Variants in DMRT1 observed in about 807,000 individuals in gnomAD.
The protein encoded by DMRT1 is doublesex- and mab-3-related transcription factor 1.
A neutral mutation model predicts 32.3 loss-of-function variants in DMRT1; 7 were observed. The observed-to-expected ratio is 0.22, with a 90% CI of 0.12 to 0.41. The LOEUF (loss-of-function observed/expected upper bound fraction) is 0.41. Among genes scored for constraint, DMRT1 ranks in the 10% least tolerant of loss-of-function variants. The probability of loss-of-function intolerance (pLI) is 1.00; values close to 1 mark genes in which losing one functional copy is unlikely to be tolerated. For synonymous variants in DMRT1, 278 were observed against 206.1 expected, an observed-to-expected ratio of 1.35 and a Z score of -2.99; for missense variants, 625 against 500.5, an observed-to-expected ratio of 1.25 and a Z score of -2.37.
chr9:894,236 A>C (rs1817265402), intron 3 of DMRT1, 41 bp downstream of exon 3: 2 of 1,604,320 alleles, frequency 1.2e-6, no homozygotes, highest in South Asian at 1.1e-5. Flanking sequence ...GGTTGTGTGA[A>C]AGCCACATGC....
intron 4 of DMRT1, among the ~76,000 whole-genome samples, chr9:960,084 C>T (rs1819723063): frequency 6.6e-6 from 1 of 152,162 alleles, no homozygotes; most frequent in African/African-American, 2.4e-5. Flanking sequence ...CCAGGTGGTT[C>T]TCCTGGCTCT....
chr9:912,010 T>C (rs543839716), intron 3 of DMRT1, among the ~76,000 whole-genome samples: 1 of 152,206 alleles, frequency 6.6e-6, no homozygotes, highest in Non-Finnish European at 1.5e-5. Flanking sequence ...GGGTAATTTA[T>C]AAATAAAAAA....
intron 2 of DMRT1, among the ~76,000 whole-genome samples, chr9:868,071 G>A (rs1816069689): frequency 6.6e-6 from 1 of 152,150 alleles, no homozygotes; most frequent in Non-Finnish European, 1.5e-5. Flanking sequence ...TTGACTTCCT[G>A]GGCTCAAGCA....
Position 842,011 on chromosome 9 carries a change from C to G in DMRT1, c.173C>G (p.Ser58Cys), listed in dbSNP as rs921657610. 16 of 1,553,514 alleles carry G rather than the reference C, an allele frequency of 1.0e-5. No individual in the cohort carries two copies. The highest frequency in any genetic ancestry group is 1.2e-5 in the Non-Finnish European group (14 of 1,151,376). The change falls in exon 1 of 5, where the codon TCC (serine) becomes TGC (cysteine). Residue 58 changes from serine to cysteine, a missense_variant. This residue lies in a region of DMRT1 where 201 missense variants were observed against 152.0 expected (regional missense o/e 1.32). Transcript: ENST00000382276. The part of the protein sequence containing the change: ...GGSSRGGGSG[S>C]GASDLGAGSK... The stretch of plus-strand genomic sequence containing the variant: ...AGCAGCAGAGGAGGCGGCTCCGGCT[C>G]CGGGGCGTCGGACCTGGGTGCCGGG...
At chr9:843,486 A>G (rs570228121) in intron 1 of DMRT1, among the ~76,000 whole-genome samples, 2 of 152,352 alleles carry the variant, frequency 1.3e-5, no homozygotes, top group East Asian at 3.9e-4. Context: ...ATTTTAAAGA[A>G]TATGCGCAGG....
chr9:852,430 C>T (rs575966221), intron 2 of DMRT1, among the ~76,000 whole-genome samples: 13 of 145,936 alleles, frequency 8.9e-5, no homozygotes, highest in African/African-American at 3.3e-4. Flanking sequence ...TATTAGCTGA[C>T]TTAAATCTCA....
chr9:880,971 G>A (rs1461138471), intron 2 of DMRT1, among the ~76,000 whole-genome samples: 3 of 152,112 alleles, frequency 2.0e-5, no homozygotes, highest in Non-Finnish European at 2.9e-5. Context: ...AAGATGTAAG[G>A]GTGTGATTTC....
chr9:919,256 C>T (rs1458215713), intron 4 of DMRT1, among the ~76,000 whole-genome samples: 1 of 152,052 alleles, frequency 6.6e-6, no homozygotes, highest in Non-Finnish European at 1.5e-5. Context: ...TCTTTAAAGT[C>T]TTATTTAAGT....
chr9:863,372 T>C (rs1815815020), intron 2 of DMRT1, among the ~76,000 whole-genome samples: 2 of 150,608 alleles, frequency 1.3e-5, no homozygotes, highest in South Asian at 4.2e-4. Context: ...CTTTCCTGGC[T>C]GCAACTAGAG....
intron 2 of DMRT1, among the ~76,000 whole-genome samples, chr9:856,052 G>A (rs1172276848): frequency 6.6e-6 from 1 of 152,066 alleles, no homozygotes; most frequent in Non-Finnish European, 1.5e-5. Context: ...GAGCAGCTGG[G>A]ATTACAGGCG....
rs183337326 is a variant in DMRT1 at position 930,809 on chromosome 9, G to C, written c.967+13902G>C. 8.3e-4 allele frequency among the ~76,000 whole-genome samples: 127 copies of C among 152,176 alleles called. 1 individual carries two copies. The Middle Eastern group carries it at 0.017, about 21-fold the overall frequency. ...CCTGTTTCAGCCTCCAAAAGCACTT[G>C]GATTACAGACATGAGCCATTGTGCC... is the stretch of plus-strand genomic sequence containing the variant. On this transcript the variant is annotated intron_variant, in intron 4 of 4. Coordinates refer to ENST00000382276, the MANE Select transcript of DMRT1 (RefSeq NM_021951.3).
intron 3 of DMRT1, among the ~76,000 whole-genome samples, chr9:900,784 G>A (rs544367999): frequency 5.9e-5 from 9 of 151,538 alleles, no homozygotes; most frequent in East Asian, 3.9e-4. Flanking sequence ...TCCTGGGTTC[G>A]AGTGATCCTC....
At chr9:901,653 G>A (rs192127916) in intron 3 of DMRT1, among the ~76,000 whole-genome samples, 9 of 151,846 alleles carry the variant, frequency 5.9e-5, no homozygotes, top group African/African-American at 2.2e-4. Flanking sequence ...AGACATAGTA[G>A]GAGACTTCAC....
At chr9:880,724 CA>C (rs754419367) in intron 2 of DMRT1, among the ~76,000 whole-genome samples, 8,524 of 62,038 alleles carry the variant, frequency 0.14, 184 homozygotes, top group Non-Finnish European at 0.2. Flanking sequence ...AACTCAGTCT[CA>C]AAAAAAAAAA....
chr9:945,244 C>A (rs553838717), intron 4 of DMRT1, among the ~76,000 whole-genome samples: 134 of 152,120 alleles, frequency 8.8e-4, no homozygotes, highest in Admixed American at 2.0e-3. Flanking sequence ...ACCTCTGCCT[C>A]CCAGGTTCAA....
At chr9:954,759 A>C (rs1008833332) in intron 4 of DMRT1, among the ~76,000 whole-genome samples, 2 of 152,084 alleles carry the variant, frequency 1.3e-5, no homozygotes, top group Non-Finnish European at 2.9e-5. Flanking sequence ...CTCCTGCCTC[A>C]GCCTCCCTAG....
intron 3 of DMRT1, among the ~76,000 whole-genome samples, chr9:911,015 C>G (rs1437574056): frequency 6.6e-6 from 1 of 152,122 alleles, no homozygotes; most frequent in Non-Finnish European, 1.5e-5. Context: ...CCGCTCTTGT[C>G]CCTCAGCAGC....
intron 2 of DMRT1, among the ~76,000 whole-genome samples, chr9:890,155 C>G (rs1362079052): frequency 7.9e-6 from 1 of 126,886 alleles, no homozygotes; most frequent in Non-Finnish European, 1.5e-5. Flanking sequence ...GTGGCGTGAT[C>G]TTGGCTCAGG....
intron 3 of DMRT1, among the ~76,000 whole-genome samples, chr9:907,207 T>TAAAA (rs924798513): frequency 6.6e-6 from 1 of 152,216 alleles, no homozygotes; most frequent in African/African-American, 2.4e-5. Flanking sequence ...TAACCAAATT[T>TAAAA]AAAAAATACA....
Sources: gnomAD v4.1 joint callset for allele counts (sites outside exome capture counted in the v4.1 genomes callset) on GRCh38, gnomAD v4.1.1 for gene constraint, gnomAD v4.1.1 regional missense constraint, MANE v1.5 for transcripts, NCBI Gene and HGNC (gene_info 2026-07-23, HGNC 2026-07-21) for gene names.